WFDC1: variants seen among roughly 807,000 people sequenced by gnomAD.
WFDC1 encodes the protein WAP four-disulfide core domain protein 1.
In WFDC1, 39 loss-of-function variants were observed where a neutral mutation model predicts 32.9. That is an observed-to-expected ratio of 1.19 (90% CI 0.92 to 1.55). The LOEUF (loss-of-function observed/expected upper bound fraction) is 1.55, where lower values mean the gene tolerates loss of function less well. WFDC1 is among the 40% of genes most tolerant of loss of function. The pLI is 0.00. For synonymous variants in WFDC1, 184 were observed against 137.4 expected, an observed-to-expected ratio of 1.34 and a Z score of -2.37; for missense variants, 386 against 309.5, an observed-to-expected ratio of 1.25 and a Z score of -1.85.
At chr16:84,318,749 G>A (rs78816742) in intron 3 of WFDC1, 7,733 of 233,544 alleles carry the variant, frequency 0.033, 206 homozygotes, top group Admixed American at 0.069. Flanking sequence ...CAGCATGCAG[G>A]TCGGGGGCCT....
At chr16:84,304,378 G>A (rs1365188950) in intron 1 of WFDC1, among the ~76,000 whole-genome samples, 3 of 152,124 alleles carry the variant, frequency 2.0e-5, no homozygotes, top group Admixed American at 6.5e-5. Flanking sequence ...ATAGGCACCC[G>A]CCACCACGCC....
At chr16:84,312,603 C>T (rs1907697449) in intron 1 of WFDC1, among the ~76,000 whole-genome samples, 1 of 151,976 alleles carries the variant, frequency 6.6e-6, no homozygotes, top group Non-Finnish European at 1.5e-5. Flanking sequence ...TATATGTATA[C>T]ATGCAGACAT....
intron 1 of WFDC1, among the ~76,000 whole-genome samples, chr16:84,300,799 G>A (rs1387360894): frequency 6.6e-6 from 1 of 152,136 alleles, no homozygotes; most frequent in African/African-American, 2.4e-5. Context: ...CTGAAACCCT[G>A]TCTCTACTAA....
intron 1 of WFDC1, among the ~76,000 whole-genome samples, chr16:84,304,677 G>C (rs930056781): frequency 1.3e-5 from 2 of 152,350 alleles, no homozygotes; most frequent in African/African-American, 4.8e-5. Context: ...ATCACGGGTT[G>C]CTCTGGGGTT....
rs756101054 is a variant in WFDC1 at position 84,318,366 on chromosome 16, G to C, written c.421+11G>C. On this transcript the variant is annotated intron_variant, in intron 3 of 6. Coordinates refer to ENST00000219454, the MANE Select transcript of WFDC1 (RefSeq NM_021197.4). The stretch of plus-strand genomic sequence containing the variant: ...AGGAGGTGTTACAAGGTACCTGCCG[G>C]GTAAAGCCCAGACCCTACATCCAAG... The C allele has an allele frequency of 1.5e-5, 24 of 1,613,506 alleles. No homozygotes were observed. The highest frequency in any genetic ancestry group is 1.9e-5 in the Non-Finnish European group (23 of 1,179,682).
At chr16:84,312,811 C>T (rs557384827) in intron 1 of WFDC1, 150 bp from the exon 2 acceptor site, 16 of 325,704 alleles carry the variant, frequency 4.9e-5, no homozygotes, top group African/African-American at 2.7e-4. Flanking sequence ...AGCCGCCCTC[C>T]GAGGCTGGCT....
intron 2 of WFDC1, among the ~76,000 whole-genome samples, chr16:84,314,021 G>A (rs1397698999): frequency 6.7e-6 from 1 of 148,614 alleles, no homozygotes; most frequent in Non-Finnish European, 1.5e-5. Flanking sequence ...CAGCGTGGGT[G>A]ACAAAGTGAG....
chr16:84,323,202 G>A (rs117731312), intron 4 of WFDC1, among the ~76,000 whole-genome samples: 4,314 of 152,340 alleles, frequency 0.028, 94 homozygotes, highest in Admixed American at 0.07. Flanking sequence ...GTTCCATGGA[G>A]CGTTAGCACC....
chr16:84,306,763 C>CTCATCTTCA (rs1907284531), intron 1 of WFDC1, among the ~76,000 whole-genome samples: 2 of 106,468 alleles, frequency 1.9e-5, no homozygotes, highest in South Asian at 2.6e-4. Context: ...CACCATCATC[C>CTCATCTTCA]TCATCTTCAT....
At chr16:84,297,617 CAAAAAAAAAAAAAAA>C (rs150683526) in intron 1 of WFDC1, among the ~76,000 whole-genome samples, 1 of 69,464 alleles carries the variant, frequency 1.4e-5, no homozygotes, top group Non-Finnish European at 2.6e-5. Flanking sequence ...AACTCTGTCT[CAAAAAAAAAAAAAAA>C]AAAAAAAAAA....
chr16:84,300,910 C>T (rs61232441), intron 1 of WFDC1, among the ~76,000 whole-genome samples: 4 of 151,486 alleles, frequency 2.6e-5, no homozygotes, highest in East Asian at 1.9e-4. Context: ...GCGAGGTGGA[C>T]GTTGCAGTGA....
intron 1 of WFDC1, among the ~76,000 whole-genome samples, chr16:84,311,025 A>C (rs985013900): frequency 6.6e-6 from 1 of 152,156 alleles, no homozygotes; most frequent in Non-Finnish European, 1.5e-5. Flanking sequence ...CAATTAATCT[A>C]TCCTGTATCT....
At chr16:84,312,334 C>G (rs1907681558) in intron 1 of WFDC1, among the ~76,000 whole-genome samples, 1 of 152,152 alleles carries the variant, frequency 6.6e-6, no homozygotes, top group African/African-American at 2.4e-5. Flanking sequence ...TCACTGCCCA[C>G]CAGATTCCTG....
intron 5 of WFDC1, chr16:84,326,047 C>CG (rs1567665775): frequency 1.8e-3 from 12 of 6,778 alleles, no homozygotes; most frequent in Admixed American, 3.8e-3. Flanking sequence ...TCCAGCCAGC[C>CG]ACTATCCATC....
Position 84,318,201 on chromosome 16 carries a change from C to T in WFDC1, c.338-71C>T, listed in dbSNP as rs1172459730. The T allele has an allele frequency of 4.0e-6, 6 of 1,482,484 alleles. No individual in the cohort carries two copies. In the African/African-American group the frequency reaches 6.9e-5, roughly 17 times the overall value. 91.8% of individuals were successfully genotyped at this position (1,482,484 alleles called of 1,614,324 possible). On this transcript the variant is annotated intron_variant, in intron 2 of 6. Transcript: ENST00000219454. ...CTGTGCTGTCATGAAGTTGGGGTGC[C>T]CCCAGCCCCCAAGCCTGGGCGTTTC...
rs182998173 is a variant in WFDC1, at chr16:84,324,169, C to T, written c.563-250C>T. Among the ~76,000 whole-genome samples, 172 of 151,964 alleles carry T rather than the reference C, an allele frequency of 1.1e-3. 2 individuals carry two copies. The South Asian group carries it at 0.021, about 19-fold the overall frequency. Reference sequence around the variant, plus strand: ...TTCTGAAACTTTTTGCTCTCAAGACCGCTGTACCCTGAAAGATGTTAAGGA... The same window carrying T: ...TTCTGAAACTTTTTGCTCTCAAGACTGCTGTACCCTGAAAGATGTTAAGGA... On this transcript the variant is annotated intron_variant, in intron 4 of 6. Transcript: ENST00000219454.
At chr16:84,298,443 C>T (rs747134534) in intron 1 of WFDC1, among the ~76,000 whole-genome samples, 5 of 152,110 alleles carry the variant, frequency 3.3e-5, no homozygotes, top group South Asian at 4.1e-4. Context: ...TGTATTGCTC[C>T]GTTTTGCTAT....
intron 1 of WFDC1, among the ~76,000 whole-genome samples, chr16:84,296,217 G>A (rs1402035317): frequency 2.0e-5 from 3 of 152,206 alleles, no homozygotes; most frequent in Admixed American, 2.0e-4. Flanking sequence ...TATGTAGAAC[G>A]TCTTTGCAAC....
chr16:84,328,514 G>A (rs568253783), intron 6 of WFDC1: 4 of 152,322 alleles, frequency 2.6e-5, no homozygotes, highest in South Asian at 2.1e-4. Flanking sequence ...ATGCCAGCAC[G>A]TCTGTTACCT....
Sources: allele counts gnomAD v4.1 joint callset (sites outside exome capture counted in the v4.1 genomes callset), GRCh38; gene constraint gnomAD v4.1.1; transcripts MANE v1.5; gene names NCBI Gene and HGNC (gene_info 2026-07-23, HGNC 2026-07-21).